UGGT1: variants seen among roughly 807,000 people sequenced by gnomAD.
UGGT1 encodes the protein UDP-glucose:glycoprotein glucosyltransferase 1.
A neutral mutation model predicts 203.9 loss-of-function variants in UGGT1; 107 were observed. That is an observed-to-expected ratio of 0.52 (90% confidence interval 0.45 to 0.62). The LOEUF (loss-of-function observed/expected upper bound fraction) is 0.62, where lower values mean the gene tolerates loss of function less well. UGGT1 is among the 20% of genes least tolerant of loss of function. The probability of loss-of-function intolerance (pLI) is 0.00; values close to 1 mark genes in which losing one functional copy is unlikely to be tolerated. For missense variants in UGGT1, 1,673 were observed against 1,867.2 expected (o/e 0.90, Z 1.92); for synonymous variants, 628 against 653.5 (o/e 0.96, Z 0.59).
chr2:128,175,080 C>CT (rs1233607004), intron 31 of UGGT1, among the ~76,000 whole-genome samples: 1 of 152,200 alleles, frequency 6.6e-6, no homozygotes, highest in Non-Finnish European at 1.5e-5. Context: ...AGGCTTTATT[C>CT]TTTAATTATT....
At chr2:128,108,133 A>G (rs1687686896) in intron 4 of UGGT1, 65 bp downstream of exon 4, 3 of 1,559,004 alleles carry the variant, frequency 1.9e-6, no homozygotes, top group African/African-American at 1.4e-5. Flanking sequence ...GATGGACCCC[A>G]GTTGTCCTGG....
At chr2:128,115,287 T>C in intron 7 of UGGT1, 67 bp downstream of exon 7, 1 of 1,398,612 alleles carries the variant, frequency 7.1e-7, no homozygotes, top group Non-Finnish European at 1.0e-6. Flanking sequence ...TTTGTTTCCA[T>C]ATGAAAAATA....
intron 24 of UGGT1, 117 bp downstream of exon 24, chr2:128,160,708 G>T (rs1690484499): frequency 1.4e-6 from 2 of 1,389,178 alleles, no homozygotes; most frequent in Admixed American, 3.0e-5. Flanking sequence ...GGTGATTGGG[G>T]CTTATGAAGT....
At chr2:128,167,790 T>C (rs1467253994) in intron 26 of UGGT1, among the ~76,000 whole-genome samples, 2 of 152,020 alleles carry the variant, frequency 1.3e-5, no homozygotes, top group African/African-American at 4.8e-5. Flanking sequence ...TCTTTCCTTG[T>C]TTTTTTTCGA....
At chr2:128,136,070 G>A (rs1689118273) in intron 15 of UGGT1, among the ~76,000 whole-genome samples, 1 of 152,178 alleles carries the variant, frequency 6.6e-6, no homozygotes, top group African/African-American at 2.4e-5. Flanking sequence ...GTGGTCTTCT[G>A]ATTGCAAAGG....
chr2:128,106,110 CTTTTTTTTTTT>C (rs66611494), intron 3 of UGGT1, among the ~76,000 whole-genome samples: 1 of 101,392 alleles, frequency 9.9e-6, no homozygotes. Context: ...CAGCCTGAAT[CTTTTTTTTTTT>C]TTTTTTTTGG....
chr2:128,147,571 T>C (rs1045725276), intron 18 of UGGT1, among the ~76,000 whole-genome samples: 2 of 152,082 alleles, frequency 1.3e-5, no homozygotes, highest in African/African-American at 4.8e-5. Context: ...TGGCCTCTTC[T>C]CTTCCTGAGT....
rs1287107013 is a variant in UGGT1, at chr2:128,091,460, T to C, written c.58+45T>C. On this transcript the variant is annotated intron_variant, in intron 1 of 40. Coordinates refer to ENST00000259253, the MANE Select transcript of UGGT1 (RefSeq NM_020120.4). ...GGAGGCCTCGTGGACAAAGAGAGGG[T>C]TTGGGGCACAAGGCGACCCTGTGCC... The C allele has an allele frequency of 1.5e-5, 24 of 1,555,644 alleles. No homozygotes were observed. In the Admixed American group the frequency reaches 1.6e-4, roughly 10 times the overall value.
chr2:128,103,101 A>ACACCC (rs1430675890), intron 2 of UGGT1: 4 of 470,988 alleles, frequency 8.5e-6, no homozygotes, highest in Non-Finnish European at 1.8e-5. Context: ...GTGAGATTGT[A>ACACCC]CACCCCAGTG....
chr2:128,094,455 A>AT (rs559165602), intron 1 of UGGT1, among the ~76,000 whole-genome samples: 9 of 152,254 alleles, frequency 5.9e-5, no homozygotes, highest in African/African-American at 1.7e-4. Flanking sequence ...TTACAAAGTG[A>AT]TTTTTTTATT....
chr2:128,102,192 G>C (rs1687406082), intron 2 of UGGT1, among the ~76,000 whole-genome samples: 1 of 151,466 alleles, frequency 6.6e-6, no homozygotes, highest in Non-Finnish European at 1.5e-5. Context: ...GCCCAGGCTG[G>C]AGTGCAATGG....
At chr2:128,108,943 C>T (rs192435036) in intron 4 of UGGT1, among the ~76,000 whole-genome samples, 142 of 152,162 alleles carry the variant, frequency 9.3e-4, no homozygotes, top group Middle Eastern at 3.4e-3. Context: ...ACAGTCTCGC[C>T]CTGTCACCCA....
Position 128,103,933 on chromosome 2 carries a change from G to A in UGGT1, c.196G>A (p.Glu66Lys). 1 of 1,582,504 alleles carries A rather than the reference G, an allele frequency of 6.3e-7. No individual in the cohort carries two copies. Among genetic ancestry groups the A allele is most frequent in the East Asian group, 2.3e-5 (1 of 43,618 alleles). Residue 66 changes from glutamate (E) to lysine (K), a missense_variant and splice_region_variant, in exon 3 of 41, where the codon GAG (glutamate) becomes AAG (lysine). Transcript: ENST00000259253. ...FSTPLLLEAS[E>K]FLAEDSQEKF... The stretch of plus-strand genomic sequence containing the variant: ...TTTATTTCTGATCTTTTCTCCCAGT[G>A]AGTTTTTAGCAGAAGACAGTCAAGA...
chr2:128,136,288 T>G (rs558004612), intron 15 of UGGT1, among the ~76,000 whole-genome samples: 1 of 152,262 alleles, frequency 6.6e-6, no homozygotes, highest in Non-Finnish European at 1.5e-5. Context: ...AAATGTATGA[T>G]GTAAAGTATT....
chr2:128,161,133 C>T lies in UGGT1; in HGVS notation c.2695-5C>T, dbSNP rs1690507762. The T allele has an allele frequency of 6.2e-7, 1 of 1,613,768 alleles. No homozygotes were observed. Among genetic ancestry groups the T allele is most frequent in the Non-Finnish European group, 8.5e-7 (1 of 1,179,844 alleles). ...GCTAAGCGCCTGCTCTTCTCTCCTTCACAGATCATTGGGCCACTGGAGGAT... is the reference window on the plus strand; with the variant it reads ...GCTAAGCGCCTGCTCTTCTCTCCTTTACAGATCATTGGGCCACTGGAGGAT... On this transcript the variant is annotated splice_polypyrimidine_tract_variant and splice_region_variant and intron_variant, in intron 24 of 40. Transcript: ENST00000259253.
chr2:128,174,719 A>G lies in UGGT1; in HGVS notation c.3454-54A>G, dbSNP rs918586514. 7.3e-6 allele frequency: 10 copies of G among 1,368,750 alleles called. No individual in the cohort carries two copies. In the South Asian group the frequency reaches 9.8e-5, roughly 13 times the overall value. 84.8% of individuals were successfully genotyped at this position (1,368,750 alleles called of 1,614,324 possible). On this transcript the variant is annotated intron_variant, in intron 30 of 40. Coordinates refer to ENST00000259253, the MANE Select transcript of UGGT1 (RefSeq NM_020120.4). ...GAAATAGAAGTAACTGTTCCTCAGA[A>G]ATAACATTTTGGTGTTTTGAAGAGA...
rs2104854899 is a variant in UGGT1 at position 128,191,421 on chromosome 2, A to G, written c.*1679A>G. On this transcript the variant is annotated 3_prime_UTR_variant, in exon 41 of 41. Coordinates refer to ENST00000259253, the MANE Select transcript of UGGT1 (RefSeq NM_020120.4). ...CAATGAAAACAAAACAAAACAAAAAATTAAGAAGAGGAAAGCTCAAAAGAG... is the reference window on the plus strand; with the variant it reads ...CAATGAAAACAAAACAAAACAAAAAGTTAAGAAGAGGAAAGCTCAAAAGAG... 6.6e-6 allele frequency: 1 copy of G among 152,324 alleles called. No individual in the cohort carries two copies. The highest frequency in any genetic ancestry group is 1.5e-5 in the Non-Finnish European group (1 of 68,036). 9.4% of individuals were successfully genotyped at this position (152,324 alleles called of 1,614,324 possible). A position where few individuals can be genotyped will look rare whatever the true frequency, so the allele number is the denominator to read the frequency against.
At chr2:128,168,243 G>A (rs887459204) in intron 26 of UGGT1, among the ~76,000 whole-genome samples, 1 of 152,144 alleles carries the variant, frequency 6.6e-6, no homozygotes, top group African/African-American at 2.4e-5. Flanking sequence ...CCACTGCTCT[G>A]GAGTCACACT....
At position 128,164,782 on chromosome 2, in the gene UGGT1, G is replaced by A. The variant is rs777857745; in HGVS notation, c.2878G>A (p.Gly960Arg). 6.2e-7 allele frequency: 1 copy of A among 1,611,764 alleles called. No homozygotes were observed. The highest frequency in any genetic ancestry group is 1.7e-5 in the Admixed American group (1 of 59,412). The part of the protein sequence containing the change: ...VDALLSAQPK[G>R]DPRIEYQFFE... ...TGCTCTTCTGTCAGCGCAACCAAAA[G>A]GAGATCCAAGAATCGAGTACCAGTT... Residue 960 changes from glycine to arginine, a missense_variant, in exon 26 of 41, where the codon GGA becomes AGA. This residue lies in a region of UGGT1 where 1,073 missense variants were observed against 1,078.7 expected (regional missense o/e 0.99). Transcript: ENST00000259253.
Sources: gnomAD v4.1 joint callset for allele counts (sites outside exome capture counted in the v4.1 genomes callset) on GRCh38, gnomAD v4.1.1 for gene constraint, gnomAD v4.1.1 regional missense constraint, MANE v1.5 for transcripts, NCBI Gene and HGNC (gene_info 2026-07-23, HGNC 2026-07-21) for gene names.